Variants in PIK3R1 observed in about 807,000 individuals in gnomAD.
The protein encoded by PIK3R1 is phosphoinositide-3-kinase regulatory subunit 1.
In PIK3R1, 29 loss-of-function variants were observed where a neutral mutation model predicts 98.0. That is an observed-to-expected ratio of 0.30 (90% confidence interval 0.22 to 0.40). The LOEUF (loss-of-function observed/expected upper bound fraction) is 0.40. Among genes scored for constraint, PIK3R1 ranks in the 10% least tolerant of loss-of-function variants. PIK3R1 has a pLI of 1.00. For synonymous variants in PIK3R1, 282 were observed against 311.8 expected (o/e 0.90, Z 1.01); for missense variants, 596 against 872.7 (o/e 0.68, Z 3.99).
chr5:68,285,294 C>T (rs1747031880), intron 7 of PIK3R1, among the ~76,000 whole-genome samples: 1 of 152,208 alleles, frequency 6.6e-6, no homozygotes, highest in Admixed American at 6.5e-5. Flanking sequence ...CATTGCAAAA[C>T]ATTCATCCTG....
chr5:68,220,219 G>A (rs192571629), intron 1 of PIK3R1, among the ~76,000 whole-genome samples: 1 of 152,314 alleles, frequency 6.6e-6, no homozygotes, highest in East Asian at 1.9e-4. Context: ...GGCACAATCT[G>A]ACTGGGGCAG....
chr5:68,298,878 T>A lies in PIK3R1; in HGVS notation c.*1277T>A, dbSNP rs1314784440. 4.4e-6 allele frequency: 1 copy of A among 228,154 alleles called. No individual in the cohort carries two copies. The highest frequency in any genetic ancestry group is 5.8e-5 in the Admixed American group (1 of 17,248). 14.1% of individuals were successfully genotyped at this position (228,154 alleles called of 1,614,324 possible). On this transcript the variant is annotated 3_prime_UTR_variant, in exon 16 of 16. Coordinates refer to ENST00000521381, the MANE Select transcript of PIK3R1 (RefSeq NM_181523.3). ...ACTTCTTGAATCTAGGGAGGGGGAA[T>A]GTAGTGAAGGGATGTATCAAGTGGG...
chr5:68,245,327 A>C (rs539033444), intron 2 of PIK3R1, among the ~76,000 whole-genome samples: 2 of 152,174 alleles, frequency 1.3e-5, no homozygotes, highest in African/African-American at 4.8e-5. Flanking sequence ...TTTTAAAAAA[A>C]AATAGTTGAG....
chr5:68,275,311 G>A (rs532481646), intron 4 of PIK3R1, among the ~76,000 whole-genome samples: 1 of 152,244 alleles, frequency 6.6e-6, no homozygotes, highest in East Asian at 1.9e-4. Context: ...GTTTCTGACA[G>A]CTTTATCAGG....
At chr5:68,246,313 A>T (rs1008224185) in intron 2 of PIK3R1, among the ~76,000 whole-genome samples, 175 of 127,288 alleles carry the variant, frequency 1.4e-3, no homozygotes, top group African/African-American at 4.5e-3. Flanking sequence ...TGGTGTGTAT[A>T]TTTTTTTTTT....
In PIK3R1 at chr5:68,301,753, CTTGTT is replaced by C. The variant is rs1182766119; in HGVS notation, c.*4155_*4159del. On this transcript the variant is annotated 3_prime_UTR_variant, in exon 16 of 16. Coordinates refer to ENST00000521381, the MANE Select transcript of PIK3R1 (RefSeq NM_181523.3). ...AGTTATAGATTCAATGGAGCTATGT[CTTGTT>C]TTAAGTTGCTTTAATGCATTGTATT... 1.2e-5 allele frequency: 2 copies of C among 170,424 alleles called. No homozygotes were observed. The highest frequency in any genetic ancestry group is 4.8e-5 in the African/African-American group (2 of 41,882). 10.6% of individuals were successfully genotyped at this position (170,424 alleles called of 1,614,324 possible). A position where few individuals can be genotyped will look rare whatever the true frequency, so the allele number is the denominator to read the frequency against.
At chr5:68,288,481 C>A (rs915429309) in intron 7 of PIK3R1, 1 of 1,306,700 alleles carries the variant, frequency 7.7e-7, no homozygotes, top group African/African-American at 1.6e-5. Context: ...GTGGCCCGGA[C>A]GCACTGCCGG....
chr5:68,226,077 C>G (rs1014881972), intron 1 of PIK3R1, among the ~76,000 whole-genome samples: 2 of 152,006 alleles, frequency 1.3e-5, no homozygotes, highest in African/African-American at 4.8e-5. Context: ...TAAGACATTG[C>G]CTCATGCCGA....
At chr5:68,266,241 G>C (rs1429059200) in intron 2 of PIK3R1, among the ~76,000 whole-genome samples, 1 of 152,064 alleles carries the variant, frequency 6.6e-6, no homozygotes, top group Non-Finnish European at 1.5e-5. Context: ...TTACAACTCT[G>C]CTTTATTATT....
intron 2 of PIK3R1, among the ~76,000 whole-genome samples, chr5:68,231,074 A>C (rs532280826): frequency 1.2e-4 from 18 of 152,356 alleles, no homozygotes; most frequent in Admixed American, 1.2e-3. Context: ...AGTTGATTGA[A>C]AATGGGGATA....
chr5:68,272,252 CAAAAAAAAA>C (rs36123886), intron 2 of PIK3R1, among the ~76,000 whole-genome samples: 3 of 46,892 alleles, frequency 6.4e-5, no homozygotes, highest in Non-Finnish European at 9.1e-5. Context: ...GACCCTGTCT[CAAAAAAAAA>C]AAAAAAAAAG....
intron 2 of PIK3R1, among the ~76,000 whole-genome samples, chr5:68,262,776 T>C (rs1440814064): frequency 2.7e-5 from 3 of 113,012 alleles, no homozygotes; most frequent in Non-Finnish European, 3.7e-5. Flanking sequence ...TACATGTAGA[T>C]GCATGTAGAT....
At chr5:68,271,467 C>T (rs190959387) in intron 2 of PIK3R1, among the ~76,000 whole-genome samples, 1 of 152,284 alleles carries the variant, frequency 6.6e-6, no homozygotes, top group East Asian at 1.9e-4. Context: ...ACAAAGCTGA[C>T]TCGGGAATCT....
chr5:68,250,452 A>G (rs1745262522), intron 2 of PIK3R1, among the ~76,000 whole-genome samples: 4 of 152,176 alleles, frequency 2.6e-5, no homozygotes, highest in African/African-American at 9.7e-5. Flanking sequence ...GATTATTTCC[A>G]TTGGCCTTGA....
At chr5:68,287,759 C>T (rs982823101) in intron 7 of PIK3R1, among the ~76,000 whole-genome samples, 2 of 152,150 alleles carry the variant, frequency 1.3e-5, no homozygotes, top group African/African-American at 4.8e-5. Context: ...GGTCATATGG[C>T]CATTTAAATG....
chr5:68,230,106 G>A (rs982428822), intron 2 of PIK3R1, among the ~76,000 whole-genome samples: 2 of 152,154 alleles, frequency 1.3e-5, no homozygotes. Flanking sequence ...TCCTCTGCTA[G>A]TACAGCTCTT....
At chr5:68,290,475 G>A (rs1747325692) in intron 7 of PIK3R1, among the ~76,000 whole-genome samples, 1 of 152,206 alleles carries the variant, frequency 6.6e-6, no homozygotes, top group East Asian at 1.9e-4. Context: ...GAAAGGATGA[G>A]CATGTATATA....
intron 1 of PIK3R1, among the ~76,000 whole-genome samples, chr5:68,219,605 G>A (rs755325456): frequency 6.6e-6 from 1 of 152,200 alleles, no homozygotes; most frequent in African/African-American, 2.4e-5. Flanking sequence ...CTGTAGAGCC[G>A]TCCTCTACCT....
At chr5:68,224,669 C>G (rs2111954925) in intron 1 of PIK3R1, among the ~76,000 whole-genome samples, 1 of 152,316 alleles carries the variant, frequency 6.6e-6, no homozygotes, top group East Asian at 1.9e-4. Context: ...TAAAAGCTCT[C>G]TTTGATATAG....
Sources: gnomAD v4.1 joint callset for allele counts (sites outside exome capture counted in the v4.1 genomes callset) on GRCh38, gnomAD v4.1.1 for gene constraint, MANE v1.5 for transcripts, NCBI Gene and HGNC (gene_info 2026-07-23, HGNC 2026-07-21) for gene names.